Variants in HEXB observed in about 807,000 individuals in gnomAD.
HEXB encodes beta-hexosaminidase subunit beta.
Under a neutral mutation model 71.2 loss-of-function variants are expected in HEXB, and 51 were observed. That is an observed-to-expected ratio of 0.72 (90% confidence interval 0.57 to 0.90). The LOEUF is 0.90. Ranked by LOEUF, HEXB falls within the 40% of genes least tolerant of loss-of-function variation. HEXB has a pLI of 0.00. For synonymous variants in HEXB, 266 were observed against 249.3 expected (o/e 1.07, Z -0.63); for missense variants, 617 against 677.0 (o/e 0.91, Z 0.98).
At chr5:74,654,873 A>G (rs1748188204) in intron 1 of HEXB, among the ~76,000 whole-genome samples, 2 of 152,182 alleles carry the variant, frequency 1.3e-5, no homozygotes, top group South Asian at 4.1e-4. Flanking sequence ...GAGGCCGGGA[A>G]GCAGGACACA....
intron 1 of HEXB, among the ~76,000 whole-genome samples, chr5:74,668,186 A>G (rs1435651513): frequency 6.6e-6 from 1 of 150,432 alleles, no homozygotes; most frequent in Non-Finnish European, 1.5e-5. Flanking sequence ...CTCTTCCAGC[A>G]GCTAGGTTTT....
intron 1 of HEXB, among the ~76,000 whole-genome samples, chr5:74,650,561 T>C (rs1344729819): frequency 1.3e-5 from 2 of 152,156 alleles, no homozygotes; most frequent in Non-Finnish European, 2.9e-5. Flanking sequence ...GCCTTTCCTC[T>C]TGTCCCTCGG....
intron 1 of HEXB, among the ~76,000 whole-genome samples, chr5:74,679,798 CAAA>C (rs70976121): frequency 5.0e-3 from 196 of 38,908 alleles, no homozygotes; most frequent in Admixed American, 7.0e-3. Flanking sequence ...GACTCCGTCT[CAAA>C]AAAAAAAAAA....
intron 6 of HEXB, among the ~76,000 whole-genome samples, chr5:74,708,387 A>T (rs1094147): frequency 6.8e-6 from 1 of 146,826 alleles, no homozygotes. Context: ...ATCAACTAAC[A>T]AGCAAAATAA....
chr5:74,670,466 A>G (rs1748512051), intron 1 of HEXB, among the ~76,000 whole-genome samples: 1 of 145,862 alleles, frequency 6.9e-6, no homozygotes, highest in Non-Finnish European at 1.5e-5. Context: ...AGGTGAAACA[A>G]GAACCCAAGA....
At chr5:74,670,859 C>G (rs1197892133) in intron 1 of HEXB, among the ~76,000 whole-genome samples, 1 of 152,028 alleles carries the variant, frequency 6.6e-6, no homozygotes, top group Admixed American at 6.6e-5. Flanking sequence ...ATTGGCTGGA[C>G]CCCGCACTTG....
In HEXB at chr5:74,652,644, C is replaced by T. The variant is rs1254509008; in HGVS notation, c.-377+12086C>T. 6.6e-6 allele frequency among the ~76,000 whole-genome samples: 1 copy of T among 152,138 alleles called. No homozygotes were observed. The highest frequency in any genetic ancestry group is 1.9e-4 in the East Asian group (1 of 5,184). On this transcript the variant is annotated intron_variant, in intron 1 of 13. Coordinates refer to the HEXB transcript ENST00000511181. This position sits in a 1 kb window ranked among gnomAD's most constrained non-coding sequence, Gnocchi z 5.4. The stretch of plus-strand genomic sequence containing the variant: ...CTTCATTTGAGTCATGTAAGGGATT[C>T]CCTCCCTTACCCCCACTACCCCCAG...
At position 74,715,687 on chromosome 5, in the gene HEXB, G is replaced by A. The variant is rs1245724719; in HGVS notation, c.1079G>A (p.Cys360Tyr). ...HLGGDEVEFK[C>Y]WESNPKIQDF... ...GGAGGAGATGAAGTGGAATTTAAATGTTGGTAAGATGATTCCTTAAAACCC... is the reference window on the plus strand; with the variant it reads ...GGAGGAGATGAAGTGGAATTTAAATATTGGTAAGATGATTCCTTAAAACCC... Residue 360 changes from cysteine to tyrosine, a missense_variant, in exon 8 of 14, where the codon TGT becomes TAT. Physicochemically the swap from Cys to Tyr is radical, Grantham distance 194. Coordinates refer to ENST00000261416, the MANE Select transcript of HEXB (RefSeq NM_000521.4). 1 of 1,576,884 alleles carries A rather than the reference G, an allele frequency of 6.3e-7. No homozygotes were observed. The highest frequency in any genetic ancestry group is 8.7e-7 in the Non-Finnish European group (1 of 1,147,870).
chr5:74,706,520 G>A lies in HEXB; in HGVS notation c.771+1200G>A, dbSNP rs898106688. On this transcript the variant is annotated intron_variant, in intron 6 of 13. Coordinates refer to ENST00000261416, the MANE Select transcript of HEXB (RefSeq NM_000521.4). Reference sequence around the variant, plus strand: ...TTGCCTCACTCGGGAAGCGCAAGGGGTCAGGGAGTTCCCTTTCCTAGTCAA... The same window carrying A: ...TTGCCTCACTCGGGAAGCGCAAGGGATCAGGGAGTTCCCTTTCCTAGTCAA... 6.6e-5 allele frequency among the ~76,000 whole-genome samples: 10 copies of A among 152,202 alleles called. No homozygotes were observed. In the East Asian group the frequency reaches 1.7e-3, roughly 26 times the overall value.
At chr5:74,711,525 C>T (rs930609621) in intron 6 of HEXB, among the ~76,000 whole-genome samples, 1 of 152,128 alleles carries the variant, frequency 6.6e-6, no homozygotes, top group Non-Finnish European at 1.5e-5. Flanking sequence ...AAAATTTTCG[C>T]AACCTACTCA....
Position 74,714,244 on chromosome 5 carries a change from A to T in HEXB, c.901+609A>T, listed in dbSNP as rs181455834. 3.6e-3 allele frequency among the ~76,000 whole-genome samples: 553 copies of T among 152,362 alleles called. 2 individuals are homozygous for T. Among genetic ancestry groups the T allele is most frequent in the African/African-American group, 0.013 (533 of 41,576 alleles). On this transcript the variant is annotated intron_variant, in intron 7 of 13. Coordinates refer to ENST00000261416, the MANE Select transcript of HEXB (RefSeq NM_000521.4). ...TCTTAATTGTGATTGGCCTATCAGT[A>T]ATACTATTGACAGATACAATTCAAT...
chr5:74,702,687 G>A (rs1030355423), intron 5 of HEXB, among the ~76,000 whole-genome samples: 12 of 152,156 alleles, frequency 7.9e-5, no homozygotes, highest in Non-Finnish European at 7.3e-5. Context: ...GAAATCTTGA[G>A]ACCGTGTAAA....
chr5:74,666,918 A>T lies in HEXB; in HGVS notation c.-376-22410A>T, dbSNP rs1169965444. ...TTAGGCCACACTGAAAACTCATCTAAGTCAATGTGTCTAGCAGCAAGTGTT... is the reference window on the plus strand; with the variant it reads ...TTAGGCCACACTGAAAACTCATCTATGTCAATGTGTCTAGCAGCAAGTGTT... On this transcript the variant is annotated intron_variant, in intron 1 of 13. Transcript: ENST00000511181. 3.3e-5 allele frequency among the ~76,000 whole-genome samples: 5 copies of T among 152,228 alleles called. No individual in the cohort carries two copies. The East Asian group carries it at 9.7e-4, about 29-fold the overall frequency.
rs1748129772 is a variant in HEXB at position 74,652,366 on chromosome 5, C to T, written c.-377+11808C>T. On this transcript the variant is annotated intron_variant, in intron 1 of 13. Transcript: ENST00000511181. This position sits in a 1 kb window ranked among gnomAD's most constrained non-coding sequence, Gnocchi z 5.4. Reference sequence around the variant, plus strand: ...TGTGCTCTCCTAGTGTGTGGGCCTCCTGGCCCACGTGTCCAGCAAGCAAGC... The same window carrying T: ...TGTGCTCTCCTAGTGTGTGGGCCTCTTGGCCCACGTGTCCAGCAAGCAAGC... Among the ~76,000 whole-genome samples the T allele has an allele frequency of 6.6e-6, 1 of 152,216 alleles. No individual in the cohort carries two copies. Among genetic ancestry groups the T allele is most frequent in the Non-Finnish European group, 1.5e-5 (1 of 68,042 alleles).
At chr5:74,680,264 C>T (rs1325812387), upstream of HEXB, among the ~76,000 whole-genome samples, 1 of 152,206 alleles carries the variant, frequency 6.6e-6, no homozygotes, top group Non-Finnish European at 1.5e-5. Flanking sequence ...TCAACATTTG[C>T]CTGGCTGGAT....
chr5:74,720,969 T>C (rs1749829607), intron 13 of HEXB, 149 bp from the exon 14 acceptor site: 1 of 825,870 alleles, frequency 1.2e-6, no homozygotes, highest in African/African-American at 1.7e-5. Flanking sequence ...CTTGAGTTGC[T>C]TTAATTTTCT....
At chr5:74,705,345 T>C in intron 6 of HEXB, 25 bp downstream of exon 6, 1 of 1,242,428 alleles carries the variant, frequency 8.0e-7, no homozygotes, top group East Asian at 2.3e-5. Flanking sequence ...TTGTACTCTG[T>C]CTACAAAAAC....
chr5:74,717,795 T>A (rs1421277708), intron 9 of HEXB, among the ~76,000 whole-genome samples: 1 of 152,232 alleles, frequency 6.6e-6, no homozygotes, highest in African/African-American at 2.4e-5. Context: ...GATTCCAGCC[T>A]TTGCCTGTTC....
Position 74,693,633 on chromosome 5 carries a change from A to C in HEXB, c.446-6A>C. On this transcript the variant is annotated splice_region_variant and splice_polypyrimidine_tract_variant and intron_variant, in intron 2 of 13. Transcript: ENST00000261416. ...GTGTGTGTGTGATTTTAAATCCTCA[A>C]TACAGATACTTTACTTGTGAAAGAA... is the stretch of plus-strand genomic sequence containing the variant. The C allele has an allele frequency of 6.2e-7, 1 of 1,603,392 alleles. No homozygotes were observed. Among genetic ancestry groups the C allele is most frequent in the Non-Finnish European group, 8.5e-7 (1 of 1,170,106 alleles).
Sources: gnomAD v4.1 joint callset for allele counts (sites outside exome capture counted in the v4.1 genomes callset) on GRCh38, gnomAD v4.1.1 for gene constraint, Gnocchi (gnomAD v3.1) non-coding constraint, MANE v1.5 for transcripts, NCBI Gene and HGNC (gene_info 2026-07-23, HGNC 2026-07-21) for gene names.